The following CREB1 variants were observed in gnomAD, a reference collection of about 807,000 sequenced individuals.
CREB1 encodes the protein cyclic AMP-responsive element-binding protein 1.
A neutral mutation model predicts 42.0 loss-of-function variants in CREB1; 2 were observed. The observed-to-expected ratio is 0.05, with a 90% CI of 0.02 to 0.15. The LOEUF (loss-of-function observed/expected upper bound fraction) is 0.15, where lower values mean the gene tolerates loss of function less well. Ranked by LOEUF, CREB1 falls within the 10% of genes least tolerant of loss-of-function variation. The pLI, the probability that CREB1 is intolerant of heterozygous loss-of-function variation, is 1.00. For synonymous variants in CREB1, 123 were observed against 139.9 expected (o/e 0.88, Z 0.85); for missense variants, 199 against 388.9 (o/e 0.51, Z 4.11).
chr2:207,544,349 A>T lies in CREB1; in HGVS notation c.-8-11279A>T, dbSNP rs575895544. Reference sequence around the variant, plus strand: ...ATCAGATTACCATAAATAGGCAGCTATTCTTTCTTTTTTTCCACAGTTCAT... The same window carrying T: ...ATCAGATTACCATAAATAGGCAGCTTTTCTTTCTTTTTTTCCACAGTTCAT... On this transcript the variant is annotated intron_variant, in intron 1 of 7. Coordinates refer to ENST00000353267, the MANE Select transcript of CREB1 (RefSeq NM_004379.5). 1.1e-4 allele frequency among the ~76,000 whole-genome samples: 16 copies of T among 152,304 alleles called. No homozygotes were observed. In the South Asian group the frequency reaches 3.1e-3, roughly 30 times the overall value.
chr2:207,551,447 A>G (rs954666716), intron 1 of CREB1, among the ~76,000 whole-genome samples: 1 of 152,218 alleles, frequency 6.6e-6, no homozygotes, highest in African/African-American at 2.4e-5. Context: ...CCAGAGCAAC[A>G]TAATAGATAA....
At chr2:207,567,632 C>A in intron 4 of CREB1, 69 bp downstream of exon 4, 1 of 1,031,422 alleles carries the variant, frequency 9.7e-7, no homozygotes, top group Non-Finnish European at 1.5e-6. Flanking sequence ...AAAGAGATGT[C>A]AGAAGACCAG....
At chr2:207,591,387 A>C (rs1024483559) in intron 7 of CREB1, among the ~76,000 whole-genome samples, 6 of 152,196 alleles carry the variant, frequency 3.9e-5, no homozygotes, top group African/African-American at 1.4e-4. Flanking sequence ...CTTCAGAAGA[A>C]TGCTTTGTCT....
intron 5 of CREB1, among the ~76,000 whole-genome samples, chr2:207,571,932 A>T (rs2082382404): frequency 6.6e-6 from 1 of 151,910 alleles, no homozygotes; most frequent in South Asian, 2.2e-4. Context: ...GAAAATTGCT[A>T]GTTTTAAGAG....
chr2:207,567,114 T>G (rs186692820), intron 3 of CREB1, among the ~76,000 whole-genome samples: 3 of 152,320 alleles, frequency 2.0e-5, no homozygotes, highest in South Asian at 2.1e-4. Flanking sequence ...GACCAAATAT[T>G]TAGCCATCCA....
At position 207,600,707 on chromosome 2, in the gene CREB1, T is replaced by C. The variant is rs2086896408; in HGVS notation, c.*3649T>C. ...GATGGTAGGTCAGCAGCAGTGCTAG[T>C]CTCTGAAAGCACAATACCAGTCAGG... On this transcript the variant is annotated 3_prime_UTR_variant, in exon 8 of 8. Coordinates refer to ENST00000353267, the MANE Select transcript of CREB1 (RefSeq NM_004379.5). 4.7e-6 allele frequency: 1 copy of C among 211,604 alleles called. No homozygotes were observed. The highest frequency in any genetic ancestry group is 9.6e-6 in the Non-Finnish European group (1 of 104,472). The allele number at this position is 211,604 out of a possible 1,614,324, so 13.1% of individuals were successfully genotyped here.
At position 207,587,732 on chromosome 2, in the gene CREB1, C is replaced by G. The variant is rs192272945; in HGVS notation, c.840-9182C>G. 3.3e-5 allele frequency among the ~76,000 whole-genome samples: 5 copies of G among 152,102 alleles called. No homozygotes were observed. The South Asian group carries it at 6.2e-4, about 19-fold the overall frequency. On this transcript the variant is annotated intron_variant, in intron 7 of 7. Transcript: ENST00000353267. ...CCACATGTTCTCACTCATGTGGGAGCTAAAAATTTTTTGAGCTTATGGAAG... is the reference window on the plus strand; with the variant it reads ...CCACATGTTCTCACTCATGTGGGAGGTAAAAATTTTTTGAGCTTATGGAAG...
intron 5 of CREB1, among the ~76,000 whole-genome samples, chr2:207,572,497 C>T (rs970511860): frequency 1.3e-5 from 2 of 152,132 alleles, no homozygotes; most frequent in Admixed American, 6.5e-5. Context: ...TTAATAGCTG[C>T]ATTGTGTTTC....
intron 1 of CREB1, among the ~76,000 whole-genome samples, chr2:207,531,535 A>G (rs1237794526): frequency 6.6e-6 from 1 of 152,210 alleles, no homozygotes; most frequent in African/African-American, 2.4e-5. Flanking sequence ...TAAGTTTGTA[A>G]TACCATCTCA....
At chr2:207,573,099 A>G (rs1369318279) in intron 5 of CREB1, among the ~76,000 whole-genome samples, 1 of 152,260 alleles carries the variant, frequency 6.6e-6, no homozygotes, top group East Asian at 1.9e-4. Flanking sequence ...TATTCTGGCA[A>G]CTCAGATTCT....
chr2:207,546,882 T>C (rs2081321737), intron 1 of CREB1, among the ~76,000 whole-genome samples: 1 of 152,234 alleles, frequency 6.6e-6, no homozygotes, highest in African/African-American at 2.4e-5. Context: ...TCTTGGGCTT[T>C]TTCCTTTGCT....
intron 4 of CREB1, 24 bp downstream of exon 4, chr2:207,567,587 C>A: frequency 2.0e-6 from 3 of 1,533,252 alleles, no homozygotes; most frequent in South Asian, 2.3e-5. Flanking sequence ...TAGTTAGAAT[C>A]AAAGATGTGG....
rs183185998 is a variant in CREB1, at chr2:207,577,349, G to A, written c.689-156G>A. On this transcript the variant is annotated intron_variant, in intron 6 of 7. Coordinates refer to ENST00000353267, the MANE Select transcript of CREB1 (RefSeq NM_004379.5). ...GGGAATTATTTCTTAGTAGTGGCGC[G>A]AAGAGTGCTGATTCTTTCAACGCTT... is the stretch of plus-strand genomic sequence containing the variant. 1.7e-4 allele frequency: 183 copies of A among 1,106,678 alleles called. 1 individual carries two copies. The South Asian group carries it at 2.1e-3, about 13-fold the overall frequency. The allele number at this position is 1,106,678 out of a possible 1,614,324, so 68.6% of individuals were successfully genotyped here.
intron 1 of CREB1, among the ~76,000 whole-genome samples, chr2:207,532,025 C>T (rs1225132457): frequency 6.6e-6 from 1 of 152,042 alleles, no homozygotes; most frequent in African/African-American, 2.4e-5. Flanking sequence ...TATGTTGTTC[C>T]GCAAGCCACT....
intron 2 of CREB1, among the ~76,000 whole-genome samples, chr2:207,556,480 C>T (rs753399811): frequency 2.6e-5 from 4 of 152,184 alleles, no homozygotes; most frequent in African/African-American, 7.2e-5. Context: ...AGCAGAAGCT[C>T]TGATATATGT....
rs1158891095 is a variant in CREB1 at position 207,555,817 on chromosome 2, A to G, written c.114+68A>G. The G allele has an allele frequency of 5.0e-6, 5 of 995,976 alleles. No homozygotes were observed. The East Asian group carries it at 1.3e-4, about 25-fold the overall frequency. 61.7% of individuals were successfully genotyped at this position (995,976 alleles called of 1,614,324 possible). On this transcript the variant is annotated intron_variant, in intron 2 of 7. Transcript: ENST00000353267. ...GAGGAATACGTTTCCAAGAGAATTT[A>G]GTTGTTATTACATAGATATACATAG...
chr2:207,597,440 C>T lies in CREB1; in HGVS notation c.*382C>T, dbSNP rs1299479798. The T allele has an allele frequency of 8.5e-6, 2 of 236,192 alleles. No individual in the cohort carries two copies. The highest frequency in any genetic ancestry group is 4.4e-5 in the African/African-American group (2 of 45,076). 14.6% of individuals were successfully genotyped at this position (236,192 alleles called of 1,614,324 possible). ...TTGATTGCCTTAGGGACAGAATTAC[C>T]CCAGCCTCTTGAGCTGAAGTAATGT... is the stretch of plus-strand genomic sequence containing the variant. On this transcript the variant is annotated 3_prime_UTR_variant, in exon 8 of 8. Transcript: ENST00000353267.
In CREB1 at chr2:207,604,963, C is replaced by G. The variant is rs547072794; in HGVS notation, c.*7905C>G. Among the ~76,000 whole-genome samples the G allele has an allele frequency of 7.9e-5, 12 of 152,128 alleles. No individual in the cohort carries two copies. Among genetic ancestry groups the G allele is most frequent in the African/African-American group, 2.9e-4 (12 of 41,504 alleles). On this transcript the variant is annotated 3_prime_UTR_variant, in exon 8 of 8. Coordinates refer to ENST00000353267, the MANE Select transcript of CREB1 (RefSeq NM_004379.5). ...TAAGTATGCCATTGTAGATATATAC[C>G]ACAAGTTTATCGATTCATCCAGTTG...
At chr2:207,576,835 G>T (rs911487742) in intron 6 of CREB1, 2 of 1,001,832 alleles carry the variant, frequency 2.0e-6, no homozygotes, top group South Asian at 4.1e-5. Context: ...ATATTATTAC[G>T]CTGTTTTTAG....
Sources: gnomAD v4.1 joint callset for allele counts (sites outside exome capture counted in the v4.1 genomes callset) on GRCh38, gnomAD v4.1.1 for gene constraint, MANE v1.5 for transcripts, NCBI Gene and HGNC (gene_info 2026-07-23, HGNC 2026-07-21) for gene names.